Variants in EPHA7 observed in about 807,000 individuals in gnomAD.
EPHA7 encodes the protein EPH receptor A7, also known as ephrin type-A receptor 7.
EPHA7 carries 25 observed loss-of-function variants against 112.6 expected under a neutral mutation model. That is an observed-to-expected ratio of 0.22 (90% CI 0.16 to 0.31). The LOEUF is 0.31. EPHA7 is among the 10% of genes least tolerant of loss of function. The pLI, the probability that EPHA7 is intolerant of heterozygous loss-of-function variation, is 1.00. For synonymous variants in EPHA7, 437 were observed against 406.5 expected (o/e 1.07, Z -0.90); for missense variants, 962 against 1,212.6 (o/e 0.79, Z 3.07).
At chr6:93,330,977 T>C (rs757174964) in intron 5 of EPHA7, among the ~76,000 whole-genome samples, 2 of 151,458 alleles carry the variant, frequency 1.3e-5, no homozygotes, top group Non-Finnish European at 3.0e-5. Flanking sequence ...CTACCCACAA[T>C]ATTGAACATT....
intron 3 of EPHA7, among the ~76,000 whole-genome samples, chr6:93,386,362 C>A (rs1201717826): frequency 6.6e-6 from 1 of 152,092 alleles, no homozygotes; most frequent in African/African-American, 2.4e-5. Context: ...AGCTACAAGC[C>A]CCATGCAGGT....
chr6:93,269,785 A>T, intron 6 of EPHA7, 125 bp from the exon 7 acceptor site: 1 of 710,656 alleles, frequency 1.4e-6, no homozygotes, highest in East Asian at 3.1e-5. Context: ...ACTTTGTGGA[A>T]TATTATAAAG....
chr6:93,333,174 T>G (rs1774687408), intron 5 of EPHA7, among the ~76,000 whole-genome samples: 1 of 151,828 alleles, frequency 6.6e-6, no homozygotes, highest in African/African-American at 2.4e-5. Context: ...TTTAGGATTA[T>G]GGCCTCCAGC....
intron 5 of EPHA7, among the ~76,000 whole-genome samples, chr6:93,292,074 T>C (rs992665966): frequency 7.9e-5 from 12 of 152,134 alleles, no homozygotes; most frequent in Non-Finnish European, 1.5e-4. Context: ...TAAGCATATA[T>C]AGTTAACTAC....
At chr6:93,375,460 T>A (rs1223263416) in intron 3 of EPHA7, among the ~76,000 whole-genome samples, 5 of 150,484 alleles carry the variant, frequency 3.3e-5, no homozygotes, top group Admixed American at 2.0e-4. Context: ...TAAAAAAAAA[T>A]AAAAATAAAA....
chr6:93,396,631 T>C (rs1778186472), intron 3 of EPHA7, among the ~76,000 whole-genome samples: 1 of 151,900 alleles, frequency 6.6e-6, no homozygotes, highest in African/African-American at 2.4e-5. Context: ...TTTTTACGAA[T>C]AGATTTACAT....
chr6:93,244,521 A>G (rs962471799), intron 16 of EPHA7, among the ~76,000 whole-genome samples: 8 of 152,150 alleles, frequency 5.3e-5, no homozygotes, highest in African/African-American at 1.9e-4. Context: ...TATGTCACCC[A>G]TGAAAGTCAT....
At chr6:93,373,748 TC>T (rs1776915495) in intron 3 of EPHA7, among the ~76,000 whole-genome samples, 1 of 152,022 alleles carries the variant, frequency 6.6e-6, no homozygotes, top group East Asian at 1.9e-4. Flanking sequence ...TTGTCACTCT[TC>T]TTTTTTTTTT....
At chr6:93,255,306 C>T (rs1333063137) in intron 13 of EPHA7, among the ~76,000 whole-genome samples, 1 of 151,970 alleles carries the variant, frequency 6.6e-6, no homozygotes, top group East Asian at 1.9e-4. Context: ...CAAGATTGTG[C>T]CATTGCACTC....
rs1387530516 is a variant in EPHA7, at chr6:93,240,629, T to A, written c.*2797A>T. ...CAGGTCAAGTGTGAGGACAGTGTTC[T>A]AAAAAAGGTGGCTCTATTAAAGCAA... On this transcript the variant is annotated 3_prime_UTR_variant, in exon 17 of 17. Transcript: ENST00000369303. 1 of 216,160 alleles carries A rather than the reference T, an allele frequency of 4.6e-6. No homozygotes were observed. The highest frequency in any genetic ancestry group is 1.9e-4 in the South Asian group (1 of 5,382). The allele number at this position is 216,160 out of a possible 1,614,324, so 13.4% of individuals were successfully genotyped here. A position where few individuals can be genotyped will look rare whatever the true frequency, so the allele number is the denominator to read the frequency against.
intron 3 of EPHA7, among the ~76,000 whole-genome samples, chr6:93,387,953 AG>A (rs1777705004): frequency 1.3e-5 from 2 of 151,976 alleles, no homozygotes; most frequent in African/African-American, 2.4e-5. Flanking sequence ...ATAGATAGAT[AG>A]ATAGATAGAT....
intron 14 of EPHA7, among the ~76,000 whole-genome samples, chr6:93,247,242 GA>G (rs1769995501): frequency 6.6e-6 from 1 of 152,110 alleles, no homozygotes; most frequent in African/African-American, 2.4e-5. Flanking sequence ...ACAATAGATG[GA>G]AATAGTTTTA....
Position 93,410,232 on chromosome 6 carries a change from A to C in EPHA7, c.832+269T>G. The stretch of plus-strand genomic sequence containing the variant: ...GACTCCTCTCTAAACTCCATAGCCC[A>C]ACGTGCAACTATTGACTTCCATGTT... On this transcript the variant is annotated intron_variant, in intron 3 of 16. Coordinates refer to ENST00000369303, the MANE Select transcript of EPHA7 (RefSeq NM_004440.4). This position sits in a 1 kb window ranked among gnomAD's most constrained non-coding sequence, Gnocchi z 4.0. 2.6e-6 allele frequency: 1 copy of C among 382,972 alleles called. No homozygotes were observed. Among genetic ancestry groups the C allele is most frequent in the South Asian group, 4.0e-5 (1 of 25,018 alleles). The allele number at this position is 382,972 out of a possible 1,614,324, so 23.7% of individuals were successfully genotyped here.
chr6:93,322,399 T>C (rs1302543499), intron 5 of EPHA7, among the ~76,000 whole-genome samples: 2 of 151,644 alleles, frequency 1.3e-5, no homozygotes, highest in African/African-American at 2.4e-5. Flanking sequence ...TGCAAGCAAT[T>C]CCTTTTTTTG....
intron 3 of EPHA7, among the ~76,000 whole-genome samples, chr6:93,365,097 A>T (rs1776442828): frequency 6.6e-6 from 1 of 152,148 alleles, no homozygotes; most frequent in African/African-American, 2.4e-5. Context: ...ATACAACTTG[A>T]CTCAGCTTCC....
intron 14 of EPHA7, among the ~76,000 whole-genome samples, chr6:93,250,356 T>A (rs546682918): frequency 6.6e-5 from 10 of 152,288 alleles, no homozygotes. Context: ...ATAATCATTG[T>A]TAATATTTAT....
At chr6:93,260,436 C>A (rs1770635528) in intron 9 of EPHA7, 3 of 584,090 alleles carry the variant, frequency 5.1e-6, no homozygotes, top group Non-Finnish European at 6.5e-6. Flanking sequence ...GATAGATAGG[C>A]ATATATTTGG....
At chr6:93,292,715 C>G (rs745323290) in intron 5 of EPHA7, among the ~76,000 whole-genome samples, 10 of 152,050 alleles carry the variant, frequency 6.6e-5, no homozygotes, top group Non-Finnish European at 1.2e-4. Context: ...GAAGTAACAA[C>G]ATCATCAGAC....
intron 3 of EPHA7, among the ~76,000 whole-genome samples, chr6:93,384,274 G>A (rs997212511): frequency 6.6e-6 from 1 of 152,000 alleles, no homozygotes; most frequent in Non-Finnish European, 1.5e-5. Context: ...TTCAGCAACA[G>A]GATCTTAGCT....
Sources: allele counts gnomAD v4.1 joint callset (sites outside exome capture counted in the v4.1 genomes callset), GRCh38; gene constraint gnomAD v4.1.1; non-coding constraint Gnocchi (gnomAD v3.1); transcripts MANE v1.5; gene names NCBI Gene and HGNC (gene_info 2026-07-23, HGNC 2026-07-21).